The following ARHGEF17 variants were observed in gnomAD, a reference collection of about 807,000 sequenced individuals.
ARHGEF17 encodes Rho guanine nucleotide exchange factor 17, also known as 164 kDa Rho-specific guanine-nucleotide exchange factor.
Under a neutral mutation model 174.0 loss-of-function variants are expected in ARHGEF17, and 80 were observed. The ratio of observed to expected loss-of-function variants is 0.46; its 90% confidence interval spans 0.38 to 0.55. ARHGEF17 has a LOEUF of 0.55. ARHGEF17 is among the 20% of genes least tolerant of loss of function. The pLI, the probability that ARHGEF17 is intolerant of heterozygous loss-of-function variation, is 0.00. For synonymous variants in ARHGEF17, 1,311 were observed against 1,189.1 expected (o/e 1.10, Z -2.11); for missense variants, 2,886 against 2,839.7 (o/e 1.02, Z -0.37).
intron 1 of ARHGEF17, among the ~76,000 whole-genome samples, chr11:73,323,735 A>C (rs1865055624): frequency 6.6e-6 from 1 of 152,230 alleles, no homozygotes; most frequent in Non-Finnish European, 1.5e-5. Context: ...GGAATGGCTA[A>C]ATTCAGCCCC....
At chr11:73,348,004 G>A (rs1011152881) in intron 2 of ARHGEF17, among the ~76,000 whole-genome samples, 1 of 152,176 alleles carries the variant, frequency 6.6e-6, no homozygotes, top group Admixed American at 6.5e-5. Context: ...CTGGAGCAAG[G>A]TGGTGAGTTC....
At chr11:73,315,918 A>C (rs1864921574) in intron 1 of ARHGEF17, among the ~76,000 whole-genome samples, 2 of 151,672 alleles carry the variant, frequency 1.3e-5, no homozygotes, top group Admixed American at 6.6e-5. Flanking sequence ...GTAGGGACTT[A>C]CCCCTCCTGC....
At chr11:73,312,420 T>C (rs1864854279) in intron 1 of ARHGEF17, among the ~76,000 whole-genome samples, 1 of 152,206 alleles carries the variant, frequency 6.6e-6, no homozygotes, top group Admixed American at 6.5e-5. Flanking sequence ...AGTTCTGTTC[T>C]TGCTGTGTGA....
At position 73,360,359 on chromosome 11, in the gene ARHGEF17, C is replaced by T; in HGVS notation, c.4246C>T (p.His1416Tyr). The T allele has an allele frequency of 1.2e-6, 2 of 1,613,902 alleles. No homozygotes were observed. Among genetic ancestry groups the T allele is most frequent in the South Asian group, 1.1e-5 (1 of 91,090 alleles). ...DALRDLSAAM[H>Y]RDLSEKQALC... The stretch of plus-strand genomic sequence containing the variant: ...ACTGCGGGACCTCTCAGCTGCCATG[C>T]ACCGGGACCTGTCGGAGAAGCAGGC... Residue 1416 changes from histidine (H) to tyrosine (Y), a missense_variant, in exon 11 of 21, where the codon CAC becomes TAC. His to Tyr is a moderately conservative substitution (Grantham distance 83, BLOSUM62 2). Transcript: ENST00000263674.
chr11:73,366,159 T>G lies in ARHGEF17; in HGVS notation c.5995+212T>G, dbSNP rs188961380. On this transcript the variant is annotated intron_variant, in intron 20 of 20. Coordinates refer to ENST00000263674, the MANE Select transcript of ARHGEF17 (RefSeq NM_014786.4). ...TGTGTGTGCGCACCTGCATGTGTTG[T>G]GTGTATATAAAGTTCTATCCAGAGA... 7.9e-5 allele frequency among the ~76,000 whole-genome samples: 12 copies of G among 152,258 alleles called. No homozygotes were observed. The East Asian group carries it at 2.3e-3, about 29-fold the overall frequency.
chr11:73,368,240 G>A lies in ARHGEF17; in HGVS notation c.*460G>A, dbSNP rs1865875322. The A allele has an allele frequency of 6.5e-6, 1 of 154,554 alleles. No homozygotes were observed. Among genetic ancestry groups the A allele is most frequent in the Non-Finnish European group, 1.4e-5 (1 of 69,392 alleles). The allele number at this position is 154,554 out of a possible 1,614,324, so 9.6% of individuals were successfully genotyped here. On this transcript the variant is annotated 3_prime_UTR_variant, in exon 21 of 21. Transcript: ENST00000263674. Reference sequence around the variant, plus strand: ...CAGTGACCTGGTCACCTGGGGTGGGGGTGATTTGAGGAAATGACATGAGGA... The same window carrying A: ...CAGTGACCTGGTCACCTGGGGTGGGAGTGATTTGAGGAAATGACATGAGGA...
At chr11:73,338,199 GA>G in intron 1 of ARHGEF17, among the ~76,000 whole-genome samples, 1 of 152,116 alleles carries the variant, frequency 6.6e-6, no homozygotes, top group Non-Finnish European at 1.5e-5. Flanking sequence ...AAGATAGGGG[GA>G]TGGGAAGAAG....
Position 73,356,732 on chromosome 11 carries a change from C to T in ARHGEF17, c.3864C>T (p.Phe1288=), listed in dbSNP as rs1292716215. 1 of 1,614,162 alleles carries T rather than the reference C, an allele frequency of 6.2e-7. No homozygotes were observed. The highest frequency in any genetic ancestry group is 1.7e-5 in the Admixed American group (1 of 60,020). Residue 1288 remains phenylalanine, a synonymous_variant, in exon 7 of 21, where the codon TTC becomes TTT. Transcript: ENST00000263674. ...MEDLQAPLRR[F]LRQEMVIEVK... ...AGCTCCAGGCCCCTCTGCGGCGGTTCCTGAGACAGGAGATGGTCATTGAAG... is the reference window on the plus strand; with the variant it reads ...AGCTCCAGGCCCCTCTGCGGCGGTTTCTGAGACAGGAGATGGTCATTGAAG...
intron 16 of ARHGEF17, 25 bp from the exon 17 acceptor site, chr11:73,364,147 A>G: frequency 6.2e-7 from 1 of 1,613,254 alleles, no homozygotes; most frequent in African/African-American, 1.3e-5. Context: ...GAACTCCCTT[A>G]CTGCTTCCTC....
At chr11:73,340,616 A>G (rs1460389444) in intron 1 of ARHGEF17, among the ~76,000 whole-genome samples, 3 of 152,190 alleles carry the variant, frequency 2.0e-5, no homozygotes, top group Non-Finnish European at 4.4e-5. Context: ...CCTCTCAGCC[A>G]CTCAGAGGAA....
chr11:73,363,372 C>T lies in ARHGEF17; in HGVS notation c.5163C>T (p.Phe1721=). The change falls in exon 15 of 21, where the codon TTC becomes TTT. Residue 1721 remains phenylalanine (F), a synonymous_variant. Transcript: ENST00000263674. ...RALRRSSHGS[F]TRGSLEDLLS... ...TTCGCCGCTCCAGCCACGGCTCCTT[C>T]ACCCGGGGCAGCCTTGAGGACCTGC... is the stretch of plus-strand genomic sequence containing the variant. 1.9e-6 allele frequency: 3 copies of T among 1,613,174 alleles called. No individual in the cohort carries two copies. Among genetic ancestry groups the T allele is most frequent in the Non-Finnish European group, 2.5e-6 (3 of 1,179,902 alleles).
chr11:73,345,962 A>G (rs566009824), intron 1 of ARHGEF17, among the ~76,000 whole-genome samples: 48 of 151,678 alleles, frequency 3.2e-4, no homozygotes, highest in African/African-American at 1.1e-3. Context: ...GGAGGTGGGG[A>G]TTTTGAGGGG....
rs369105191 is a variant in ARHGEF17, at chr11:73,310,038, T to C, written c.1400T>C (p.Ile467Thr). 42 of 1,613,986 alleles carry C rather than the reference T, an allele frequency of 2.6e-5. No individual in the cohort carries two copies. The highest frequency in any genetic ancestry group is 1.1e-4 in the African/African-American group (8 of 74,890). ...CGGAAGTCCCTGTCAAATCCAGATA[T>C]CGCCTCAGAGACCCTGACGCTTCTC... is the stretch of plus-strand genomic sequence containing the variant. Reference protein sequence around the residue: ...RQRKSLSNPDIASETLTLLSF... With the variant: ...RQRKSLSNPDTASETLTLLSF... Residue 467 changes from isoleucine (I) to threonine (T), a missense_variant, in exon 1 of 21, where the codon ATC (isoleucine) becomes ACC (threonine). Ile to Thr is a moderately conservative substitution (Grantham distance 89). Around this residue, in one of 4 missense-constraint regions of ARHGEF17, gnomAD observed 1,728 missense variants for 1,461.2 expected, o/e 1.18. Coordinates refer to ENST00000263674, the MANE Select transcript of ARHGEF17 (RefSeq NM_014786.4).
At position 73,310,393 on chromosome 11, in the gene ARHGEF17, C is replaced by T. The variant is rs1421361257; in HGVS notation, c.1755C>T (p.Leu585=). ...GPGAEEDPLP[L]IVQDQYVQEA... is the part of the protein sequence containing the mutation. Reference sequence around the variant, plus strand: ...GTGCCGAGGAGGATCCGCTGCCCCTCATCGTCCAGGACCAATATGTGCAGG... The same window carrying T: ...GTGCCGAGGAGGATCCGCTGCCCCTTATCGTCCAGGACCAATATGTGCAGG... Residue 585 remains leucine, a synonymous_variant, in exon 1 of 21, where the codon CTC becomes CTT. Coordinates refer to ENST00000263674, the MANE Select transcript of ARHGEF17 (RefSeq NM_014786.4). 7 of 1,613,878 alleles carry T rather than the reference C, an allele frequency of 4.3e-6. No individual in the cohort carries two copies. The highest frequency in any genetic ancestry group is 2.7e-5 in the African/African-American group (2 of 74,954).
chr11:73,349,439 A>C (rs745592765), intron 2 of ARHGEF17, among the ~76,000 whole-genome samples: 1 of 152,010 alleles, frequency 6.6e-6, no homozygotes, highest in Admixed American at 6.6e-5. Context: ...ACGTGGTGAA[A>C]CCTCATCTCT....
At chr11:73,350,849 T>G (rs1200286241) in intron 2 of ARHGEF17, among the ~76,000 whole-genome samples, 1 of 152,254 alleles carries the variant, frequency 6.6e-6, no homozygotes, top group African/African-American at 2.4e-5. Flanking sequence ...TATAGTAATT[T>G]ACGCATTTAT....
At chr11:73,351,834 C>T (rs917339652) in intron 2 of ARHGEF17, among the ~76,000 whole-genome samples, 9 of 152,004 alleles carry the variant, frequency 5.9e-5, no homozygotes, top group African/African-American at 9.7e-5. Context: ...TGCCTGGCCT[C>T]GACCTCCCAA....
intron 2 of ARHGEF17, among the ~76,000 whole-genome samples, chr11:73,350,820 A>C (rs1865541053): frequency 6.6e-6 from 1 of 151,932 alleles, no homozygotes; most frequent in African/African-American, 2.4e-5. Context: ...CGTAGCACTC[A>C]CTGTCTTCCA....
At chr11:73,362,859 G>C (rs547906825) in intron 14 of ARHGEF17, 125 bp downstream of exon 14, 9 of 1,213,270 alleles carry the variant, frequency 7.4e-6, no homozygotes, top group South Asian at 1.5e-5. Flanking sequence ...TTAGCACACA[G>C]AGCAATGAGG....
Sources: gnomAD v4.1 joint callset for allele counts (sites outside exome capture counted in the v4.1 genomes callset) on GRCh38, gnomAD v4.1.1 for gene constraint, gnomAD v4.1.1 regional missense constraint, MANE v1.5 for transcripts, NCBI Gene and HGNC (gene_info 2026-07-23, HGNC 2026-07-21) for gene names.